THEMIS: variants seen among roughly 807,000 people sequenced by gnomAD.
THEMIS encodes protein THEMIS.
THEMIS carries 37 observed loss-of-function variants against 52.6 expected under a neutral mutation model. The observed-to-expected ratio is 0.70, with a 90% CI of 0.54 to 0.93. The LOEUF is 0.93. Ranked by LOEUF, THEMIS falls within the 40% of genes least tolerant of loss-of-function variation. THEMIS has a pLI of 0.00. For missense variants in THEMIS, 808 were observed against 763.1 expected (o/e 1.06, Z -0.69); for synonymous variants, 292 against 272.7 (o/e 1.07, Z -0.70).
At chr6:127,857,236 G>T (rs1252274136) in intron 1 of THEMIS, among the ~76,000 whole-genome samples, 2 of 152,050 alleles carry the variant, frequency 1.3e-5, no homozygotes, top group African/African-American at 4.8e-5. Flanking sequence ...AGGGCAATGT[G>T]GGAGTATACT....
chr6:127,725,167 T>A (rs1583201688), intron 4 of THEMIS, among the ~76,000 whole-genome samples: 1 of 152,112 alleles, frequency 6.6e-6, no homozygotes, highest in East Asian at 1.9e-4. Flanking sequence ...ATATAAACAC[T>A]GCTACTTTCC....
intron 4 of THEMIS, among the ~76,000 whole-genome samples, chr6:127,748,016 C>A (rs1407515356): frequency 6.6e-6 from 1 of 152,086 alleles, no homozygotes; most frequent in Admixed American, 6.6e-5. Flanking sequence ...AAAAATGTTA[C>A]ATGTTATGAA....
intron 4 of THEMIS, among the ~76,000 whole-genome samples, chr6:127,799,350 T>C (rs935980748): frequency 1.4e-4 from 22 of 152,100 alleles, no homozygotes; most frequent in African/African-American, 5.1e-4. Context: ...AGGAAGTATA[T>C]ATATTCAAGA....
intron 1 of THEMIS, among the ~76,000 whole-genome samples, chr6:127,857,494 A>G (rs908983097): frequency 8.5e-5 from 13 of 152,062 alleles, no homozygotes; most frequent in African/African-American, 3.1e-4. Flanking sequence ...AAGTAGAGGG[A>G]GTCCTGATGG....
At chr6:127,824,736 A>T (rs1778447685) in intron 3 of THEMIS, among the ~76,000 whole-genome samples, 1 of 152,158 alleles carries the variant, frequency 6.6e-6, no homozygotes, top group Non-Finnish European at 1.5e-5. Context: ...TGACCTCGTG[A>T]TCCGCCCGCC....
Position 127,813,109 on chromosome 6 carries a change from A to G in THEMIS, c.1532T>C (p.Met511Thr). Residue 511 changes from methionine (M) to threonine (T), a missense_variant, in exon 4 of 6, where the codon ATG becomes ACG. By Grantham distance (81) the Met-to-Thr change is moderately conservative (BLOSUM62 -1). Coordinates refer to ENST00000368248, the MANE Select transcript of THEMIS (RefSeq NM_001010923.3). Reference protein sequence around the residue: ...CWEIPVGRLNMTVQLVSNFSR... With the variant: ...CWEIPVGRLNTTVQLVSNFSR... ...GAAATTACTAACTAACTGAACAGTCATATTCAAGCGGCCCACAGGAATTTC... is the reference window on the plus strand; with the variant it reads ...GAAATTACTAACTAACTGAACAGTCGTATTCAAGCGGCCCACAGGAATTTC... The G allele has an allele frequency of 6.2e-7, 1 of 1,614,086 alleles. No homozygotes were observed. The highest frequency in any genetic ancestry group is 1.7e-5 in the Admixed American group (1 of 59,988).
At chr6:127,856,403 A>T (rs1232870315) in intron 1 of THEMIS, among the ~76,000 whole-genome samples, 1 of 151,942 alleles carries the variant, frequency 6.6e-6, no homozygotes, top group Non-Finnish European at 1.5e-5. Flanking sequence ...GGCCATCTTT[A>T]AAAAGAGGCA....
chr6:127,718,704 A>G (rs1774255741), intron 5 of THEMIS, among the ~76,000 whole-genome samples: 1 of 151,978 alleles, frequency 6.6e-6, no homozygotes, highest in South Asian at 2.1e-4. Context: ...CTTGATTAGT[A>G]TTAGAAATTT....
At chr6:127,772,691 T>C (rs1330457755) in intron 4 of THEMIS, among the ~76,000 whole-genome samples, 4 of 152,136 alleles carry the variant, frequency 2.6e-5, no homozygotes, top group Non-Finnish European at 5.9e-5. Context: ...TTAGTAGGCA[T>C]GCTTGCCAAC....
chr6:127,809,848 A>T (rs1391138733), intron 4 of THEMIS, among the ~76,000 whole-genome samples: 1 of 150,110 alleles, frequency 6.7e-6, no homozygotes, highest in African/African-American at 2.5e-5. Context: ...ATCATCTAGT[A>T]TCAAGTCTTC....
At chr6:127,755,496 T>C (rs1004152037) in intron 4 of THEMIS, among the ~76,000 whole-genome samples, 10 of 152,160 alleles carry the variant, frequency 6.6e-5, no homozygotes, top group Admixed American at 6.6e-5. Context: ...TATCAAGGCA[T>C]CATTTTTAAA....
rs772801915 is a variant in THEMIS at position 127,813,217 on chromosome 6, G to C, written c.1424C>G (p.Ala475Gly). The change falls in exon 4 of 6, where the codon GCC (alanine) becomes GGC (glycine). Residue 475 changes from alanine to glycine, a missense_variant. Ala to Gly is a moderately conservative substitution (Grantham distance 60). Coordinates refer to ENST00000368248, the MANE Select transcript of THEMIS (RefSeq NM_001010923.3). ...CTCCTCCAACTGCAGTCCTGGTGTG[G>C]CAGCCAACACGTCCTCTTCAATGGA... ...DLSIEEDVLAATPGLQLEEDI... is the reference protein window; with the variant it reads ...DLSIEEDVLAGTPGLQLEEDI... The C allele has an allele frequency of 3.7e-6, 6 of 1,613,952 alleles. No homozygotes were observed. The Admixed American group carries it at 8.3e-5, about 22-fold the overall frequency.
chr6:127,788,791 G>A (rs925163546), intron 4 of THEMIS, among the ~76,000 whole-genome samples: 1 of 151,912 alleles, frequency 6.6e-6, no homozygotes, highest in East Asian at 1.9e-4. Context: ...CTACTCTCCA[G>A]GAAGACAAAA....
chr6:127,875,690 A>G (rs939604442), intron 1 of THEMIS, among the ~76,000 whole-genome samples: 1 of 152,230 alleles, frequency 6.6e-6, no homozygotes, highest in African/African-American at 2.4e-5. Flanking sequence ...AAAGAGCCAC[A>G]TAGGACTAGT....
In THEMIS at chr6:127,802,980, T is replaced by C. The variant is rs530534423; in HGVS notation, c.1758+9903A>G. 2.6e-5 allele frequency among the ~76,000 whole-genome samples: 4 copies of C among 152,348 alleles called. No homozygotes were observed. The East Asian group carries it at 5.8e-4, about 22-fold the overall frequency. Reference sequence around the variant, plus strand: ...TTTCACCACCATCCATTCTGATGCTTATGTTAGAAATCTGGATACTTTCCT... The same window carrying C: ...TTTCACCACCATCCATTCTGATGCTCATGTTAGAAATCTGGATACTTTCCT... On this transcript the variant is annotated intron_variant, in intron 4 of 5. Coordinates refer to ENST00000368248, the MANE Select transcript of THEMIS (RefSeq NM_001010923.3).
chr6:127,731,052 T>C (rs537213634), intron 4 of THEMIS, among the ~76,000 whole-genome samples: 1 of 152,252 alleles, frequency 6.6e-6, no homozygotes, highest in Non-Finnish European at 1.5e-5. Context: ...TTTAAAACTT[T>C]GCTTCTATAA....
intron 4 of THEMIS, among the ~76,000 whole-genome samples, chr6:127,735,023 TTAAA>T (rs1774954209): frequency 6.7e-6 from 1 of 149,910 alleles, no homozygotes; most frequent in African/African-American, 2.5e-5. Context: ...ATATTGTTTC[TTAAA>T]TAATCTCTCC....
chr6:127,897,977 A>C (rs991619915), intron 1 of THEMIS, among the ~76,000 whole-genome samples: 2 of 151,774 alleles, frequency 1.3e-5, no homozygotes, highest in African/African-American at 2.4e-5. Flanking sequence ...AACAGCATGG[A>C]TTAGTTTCAC....
intron 4 of THEMIS, chr6:127,807,269 A>C (rs1777747143): frequency 4.6e-6 from 1 of 215,998 alleles, no homozygotes; most frequent in South Asian, 4.6e-5. Flanking sequence ...GCTGAGGCAG[A>C]GAATTGCTTG....
Sources: gnomAD v4.1 joint callset for allele counts (sites outside exome capture counted in the v4.1 genomes callset) on GRCh38, gnomAD v4.1.1 for gene constraint, MANE v1.5 for transcripts, NCBI Gene and HGNC (gene_info 2026-07-23, HGNC 2026-07-21) for gene names.